The following GPC6 variants were observed in gnomAD, a reference collection of about 807,000 sequenced individuals.
The protein encoded by GPC6 is glypican-6.
Under a neutral mutation model 55.2 loss-of-function variants are expected in GPC6, and 14 were observed. The observed-to-expected ratio is 0.25, with a 90% CI of 0.17 to 0.40. The LOEUF (loss-of-function observed/expected upper bound fraction) is 0.40, where lower values mean the gene tolerates loss of function less well. Ranked by LOEUF, GPC6 falls within the 10% of genes least tolerant of loss-of-function variation. The probability of loss-of-function intolerance (pLI) is 1.00; values close to 1 mark genes in which losing one functional copy is unlikely to be tolerated. For synonymous variants in GPC6, 278 were observed against 259.6 expected (o/e 1.07, Z -0.68); for missense variants, 641 against 708.5 (o/e 0.90, Z 1.08).
At position 94,010,096 on chromosome 13, in the gene GPC6, A is replaced by G. The variant is rs114353237; in HGVS notation, c.712-17633A>G. Reference sequence around the variant, plus strand: ...AACAAACCCAAATTGAAGATCAAATAATCGATGCTTATTATGAGAGAAAAT... The same window carrying G: ...AACAAACCCAAATTGAAGATCAAATGATCGATGCTTATTATGAGAGAAAAT... On this transcript the variant is annotated intron_variant, in intron 3 of 8. Transcript: ENST00000377047. Among the ~76,000 whole-genome samples the G allele has an allele frequency of 2.5e-3, 381 of 152,314 alleles. 1 individual carries two copies. Among genetic ancestry groups the G allele is most frequent in the African/African-American group, 8.8e-3 (367 of 41,586 alleles).
chr13:93,895,236 A>C (rs9561462), intron 3 of GPC6, among the ~76,000 whole-genome samples: 1 of 31,998 alleles, frequency 3.1e-5, no homozygotes, highest in Non-Finnish European at 6.5e-5. Context: ...GTGTGTGTGT[A>C]TATATATATA....
intron 1 of GPC6, among the ~76,000 whole-genome samples, chr13:93,379,135 G>A (rs1475390555): frequency 2.6e-5 from 4 of 152,130 alleles, no homozygotes; most frequent in Non-Finnish European, 5.9e-5. Flanking sequence ...CTAGGAGACA[G>A]TATCTTCTCC....
At chr13:94,034,391 G>A (rs1883263078) in intron 4 of GPC6, among the ~76,000 whole-genome samples, 1 of 152,120 alleles carries the variant, frequency 6.6e-6, no homozygotes, top group South Asian at 2.1e-4. Context: ...TAGGGTTAAT[G>A]CCTTAAGGTT....
At chr13:94,191,650 T>TA (rs751323722) in intron 4 of GPC6, among the ~76,000 whole-genome samples, 243 of 145,886 alleles carry the variant, frequency 1.7e-3, no homozygotes, top group Admixed American at 3.1e-3. Context: ...TTGAAGGAAG[T>TA]AAAAAAAAAA....
intron 2 of GPC6, among the ~76,000 whole-genome samples, chr13:93,615,352 G>A (rs1878666741): frequency 6.6e-6 from 1 of 152,098 alleles, no homozygotes; most frequent in Admixed American, 6.6e-5. Flanking sequence ...AAGAAATTCT[G>A]AATTGCAACA....
At chr13:94,296,003 T>G (rs1295700784) in intron 5 of GPC6, among the ~76,000 whole-genome samples, 1 of 152,032 alleles carries the variant, frequency 6.6e-6, no homozygotes, top group African/African-American at 2.4e-5. Context: ...ATGACTTCAT[T>G]ACCTAGCACA....
intron 3 of GPC6, among the ~76,000 whole-genome samples, chr13:94,000,073 ACTTC>A (rs1881731567): frequency 6.6e-6 from 1 of 152,110 alleles, no homozygotes; most frequent in South Asian, 2.1e-4. Context: ...GATATTTTAT[ACTTC>A]CCTGTGTCTG....
chr13:94,397,512 T>G (rs999488338), intron 7 of GPC6, among the ~76,000 whole-genome samples: 3 of 152,186 alleles, frequency 2.0e-5, no homozygotes, highest in Non-Finnish European at 4.4e-5. Flanking sequence ...AACCCAAGAT[T>G]CTATTACAAA....
intron 1 of GPC6, among the ~76,000 whole-genome samples, chr13:93,306,485 TA>T (rs59971455): frequency 2.0e-5 from 3 of 150,410 alleles, no homozygotes; most frequent in South Asian, 2.1e-4. Context: ...TCTATTTTCC[TA>T]AAAAAAAAGA....
intron 6 of GPC6, among the ~76,000 whole-genome samples, chr13:94,360,594 AT>A (rs1292888059): frequency 2.0e-5 from 3 of 152,192 alleles, no homozygotes; most frequent in Non-Finnish European, 4.4e-5. Flanking sequence ...AAGGCCAAGA[AT>A]TAGGAAATTG....
At chr13:93,833,065 G>T (rs566516759) in intron 3 of GPC6, among the ~76,000 whole-genome samples, 1 of 138,434 alleles carries the variant, frequency 7.2e-6, no homozygotes, top group Non-Finnish European at 1.5e-5. Flanking sequence ...AGAGATAGAT[G>T]GATGGATGGA....
intron 1 of GPC6, among the ~76,000 whole-genome samples, chr13:93,291,104 G>T (rs572388885): frequency 6.6e-6 from 1 of 152,126 alleles, no homozygotes; most frequent in Non-Finnish European, 1.5e-5. Flanking sequence ...TATGAATGCT[G>T]ACATAGTATG....
chr13:93,799,613 T>A, intron 2 of GPC6, among the ~76,000 whole-genome samples: 1 of 152,164 alleles, frequency 6.6e-6, no homozygotes, highest in Middle Eastern at 3.2e-3. Flanking sequence ...GCACATCGGA[T>A]CTGGGGTTAG....
At chr13:93,592,406 T>TAG (rs1594294295) in intron 2 of GPC6, among the ~76,000 whole-genome samples, 2 of 147,270 alleles carry the variant, frequency 1.4e-5, no homozygotes, top group East Asian at 3.9e-4. Context: ...TATATAAATA[T>TAG]AAATATATAA....
chr13:93,406,274 C>G (rs1876287526), intron 1 of GPC6, among the ~76,000 whole-genome samples: 1 of 152,090 alleles, frequency 6.6e-6, no homozygotes. Context: ...TGTTGTGCAG[C>G]CTTAGAATCC....
At chr13:93,640,754 TC>T (rs1879884652) in intron 2 of GPC6, among the ~76,000 whole-genome samples, 1 of 72,494 alleles carries the variant, frequency 1.4e-5, no homozygotes, top group Non-Finnish European at 2.5e-5. Flanking sequence ...CCACTTTCCT[TC>T]CCTCCCTCCT....
chr13:93,555,218 G>C (rs1287324226), intron 2 of GPC6, among the ~76,000 whole-genome samples: 1 of 152,246 alleles, frequency 6.6e-6, no homozygotes, highest in African/African-American at 2.4e-5. Context: ...AATGCTTCTA[G>C]AGTTGACATT....
At chr13:94,187,625 T>C (rs1253533433) in intron 4 of GPC6, among the ~76,000 whole-genome samples, 7 of 152,184 alleles carry the variant, frequency 4.6e-5, no homozygotes, top group African/African-American at 1.2e-4. Flanking sequence ...CAAATACTTA[T>C]AGAGTGTCCA....
intron 2 of GPC6, among the ~76,000 whole-genome samples, chr13:93,566,222 G>C (rs957600539): frequency 3.3e-5 from 5 of 152,186 alleles, no homozygotes; most frequent in African/African-American, 1.2e-4. Context: ...TGCAAGAGCA[G>C]TTACTACCTA....
Sources: gnomAD v4.1 joint callset for allele counts (sites outside exome capture counted in the v4.1 genomes callset) on GRCh38, gnomAD v4.1.1 for gene constraint, MANE v1.5 for transcripts, NCBI Gene and HGNC (gene_info 2026-07-23, HGNC 2026-07-21) for gene names.